The following CNGB3 variants were observed in gnomAD, a reference collection of about 807,000 sequenced individuals.
CNGB3 encodes cyclic nucleotide-gated channel beta-3.
A neutral mutation model predicts 92.8 loss-of-function variants in CNGB3; 86 were observed. The observed-to-expected ratio is 0.93, with a 90% confidence interval of 0.78 to 1.11. CNGB3 has a LOEUF of 1.11. Ranked by LOEUF, CNGB3 falls within the 50% of genes least tolerant of loss-of-function variation. The pLI, the probability that CNGB3 is intolerant of heterozygous loss-of-function variation, is 0.00. For missense variants in CNGB3, 1,026 were observed against 956.8 expected, an observed-to-expected ratio of 1.07 and a Z score of -0.95; for synonymous variants, 333 against 332.7, an observed-to-expected ratio of 1.00 and a Z score of -0.01.
intron 3 of CNGB3, among the ~76,000 whole-genome samples, chr8:86,709,706 A>T (rs1563762624): frequency 6.6e-6 from 1 of 152,206 alleles, no homozygotes; most frequent in Admixed American, 6.6e-5. Flanking sequence ...GTTAAAAAAA[A>T]TAAATGAAAA....
Position 86,743,549 on chromosome 8 carries a change from T to G in CNGB3, c.79A>C (p.Asn27His), listed in dbSNP as rs961561589. The change falls in exon 1 of 18, where the codon AAT (asparagine) becomes CAT (histidine). Residue 27 changes from asparagine (N) to histidine (H), a missense_variant. Asn to His is a moderately conservative substitution (Grantham distance 68). Coordinates refer to ENST00000320005, the MANE Select transcript of CNGB3 (RefSeq NM_019098.5). ...TTACTTGGGTGAGAGCCTTCTTCAT[T>G]CCGACGAGAACTTTGTTCATTCTCA... ...NNENEQSSRR[N>H]EEGSHPSNQS... 6.8e-6 allele frequency: 11 copies of G among 1,613,928 alleles called. 1 individual carries two copies. Among genetic ancestry groups the G allele is most frequent in the Admixed American group, 6.7e-5 (4 of 60,004 alleles).
intron 13 of CNGB3, among the ~76,000 whole-genome samples, chr8:86,617,093 G>C (rs1436877133): frequency 6.6e-6 from 1 of 152,172 alleles, no homozygotes; most frequent in Non-Finnish European, 1.5e-5. Context: ...GAGGATATTA[G>C]AGATTTGAAT....
At chr8:86,605,894 C>T (rs1354765001) in intron 14 of CNGB3, among the ~76,000 whole-genome samples, 4 of 152,142 alleles carry the variant, frequency 2.6e-5, no homozygotes, top group Non-Finnish European at 5.9e-5. Flanking sequence ...TAGTTAACAT[C>T]CAGGAAGCTG....
intron 4 of CNGB3, among the ~76,000 whole-genome samples, chr8:86,668,873 T>A (rs937447525): frequency 6.6e-6 from 1 of 152,044 alleles, no homozygotes; most frequent in Non-Finnish European, 1.5e-5. Context: ...GTAAAAATTA[T>A]CCAGGCATGG....
chr8:86,741,509 C>CA (rs1363906742), intron 1 of CNGB3, among the ~76,000 whole-genome samples: 5 of 151,882 alleles, frequency 3.3e-5, no homozygotes, highest in African/African-American at 4.8e-5. Context: ...ACTAAAAATA[C>CA]AAAAAAATGA....
At chr8:86,678,587 AT>A (rs1395107608) in intron 3 of CNGB3, among the ~76,000 whole-genome samples, 1 of 152,118 alleles carries the variant, frequency 6.6e-6, no homozygotes, top group African/African-American at 2.4e-5. Flanking sequence ...TCCACACCCC[AT>A]GTTAGCCGTC....
intron 12 of CNGB3, among the ~76,000 whole-genome samples, chr8:86,627,422 G>A (rs139448900): frequency 1.0e-3 from 154 of 152,212 alleles, no homozygotes; most frequent in African/African-American, 3.3e-3. Flanking sequence ...TTCTAAACAC[G>A]AGGCTGGAGT....
chr8:86,684,506 G>T (rs1178181880), intron 3 of CNGB3, among the ~76,000 whole-genome samples: 1 of 151,982 alleles, frequency 6.6e-6, no homozygotes, highest in Admixed American at 6.6e-5. Flanking sequence ...TATTTATCCT[G>T]GAGAAATAAA....
chr8:86,599,345 A>T (rs1822242275), intron 15 of CNGB3, among the ~76,000 whole-genome samples: 2 of 152,132 alleles, frequency 1.3e-5, no homozygotes, highest in Non-Finnish European at 2.9e-5. Flanking sequence ...GGACCCTGGG[A>T]TGATTGCGTT....
intron 7 of CNGB3, among the ~76,000 whole-genome samples, chr8:86,652,324 T>C (rs967974840): frequency 6.6e-6 from 1 of 152,018 alleles, no homozygotes; most frequent in African/African-American, 2.4e-5. Flanking sequence ...ACTGAAGGCC[T>C]AGGACATTAC....
At position 86,694,147 on chromosome 8, in the gene CNGB3, T is replaced by C. The variant is rs1227575557; in HGVS notation, c.339-23049A>G. ...GGGGCTGACCCCCCCACCTCCCTCC[T>C]GGACGGGGCGGCTGGCCGGGCGGGG... On this transcript the variant is annotated intron_variant, in intron 3 of 17. Transcript: ENST00000320005. 2.7e-3 allele frequency among the ~76,000 whole-genome samples: 197 copies of C among 74,050 alleles called. 1 individual carries two copies. The highest frequency in any genetic ancestry group is 0.016 in the East Asian group (33 of 2,034). The allele number at this position is 74,050 out of a possible 152,430, so 48.6% of individuals were successfully genotyped here.
At chr8:86,705,376 A>G (rs1824633415) in intron 3 of CNGB3, among the ~76,000 whole-genome samples, 2 of 152,140 alleles carry the variant, frequency 1.3e-5, no homozygotes, top group Non-Finnish European at 1.5e-5. Context: ...TGAGTAAAAA[A>G]AAAGTGCTGG....
intron 6 of CNGB3, chr8:86,659,643 G>A (rs924743205): frequency 1.8e-5 from 9 of 498,028 alleles, no homozygotes; most frequent in African/African-American, 1.2e-4. Context: ...GCAGGCAGCT[G>A]GCCAGATCCT....
intron 6 of CNGB3, among the ~76,000 whole-genome samples, chr8:86,656,597 G>T (rs1823509394): frequency 6.6e-6 from 1 of 152,044 alleles, no homozygotes; most frequent in African/African-American, 2.4e-5. Flanking sequence ...CATTTCTTCA[G>T]GGGAGGCTTA....
chr8:86,611,215 C>G (rs183000746), intron 14 of CNGB3, among the ~76,000 whole-genome samples: 283 of 152,170 alleles, frequency 1.9e-3, no homozygotes, highest in African/African-American at 6.3e-3. Flanking sequence ...CTTGGGAGAG[C>G]AAAATGAAGG....
intron 15 of CNGB3, chr8:86,594,369 C>A (rs1046786894): frequency 1.3e-5 from 4 of 310,438 alleles, no homozygotes; most frequent in African/African-American, 4.5e-5. Context: ...GCCTCCATGA[C>A]CTTCATTTTC....
rs200953574 is a variant in CNGB3 at position 86,702,802 on chromosome 8, CTG to C, written c.338+23727_338+23728del. Among the ~76,000 whole-genome samples the C allele has an allele frequency of 6.4e-3, 977 of 151,810 alleles. 6 individuals carry two copies. Among genetic ancestry groups the C allele is most frequent in the Middle Eastern group, 0.02 (6 of 294 alleles). On this transcript the variant is annotated intron_variant, in intron 3 of 17. Coordinates refer to ENST00000320005, the MANE Select transcript of CNGB3 (RefSeq NM_019098.5). ...TCATATTCTTTTTTAAAAAAAATCT[CTG>C]TGTAAGCTTTTAATATATATATTAA...
At chr8:86,714,897 T>C (rs1013802893) in intron 3 of CNGB3, among the ~76,000 whole-genome samples, 2 of 151,990 alleles carry the variant, frequency 1.3e-5, no homozygotes, top group African/African-American at 4.8e-5. Flanking sequence ...GCAACATGTA[T>C]GACTCAGCAG....
intron 3 of CNGB3, among the ~76,000 whole-genome samples, chr8:86,687,507 A>G (rs745673673): frequency 3.3e-5 from 5 of 152,028 alleles, no homozygotes; most frequent in Admixed American, 6.6e-5. Context: ...ACAAAATGCA[A>G]ATGTTGAATA....
Sources: allele counts gnomAD v4.1 joint callset (sites outside exome capture counted in the v4.1 genomes callset), GRCh38; gene constraint gnomAD v4.1.1; transcripts MANE v1.5; gene names NCBI Gene and HGNC (gene_info 2026-07-23, HGNC 2026-07-21).